Variants in TJP1 observed in about 807,000 individuals in gnomAD.
TJP1 encodes the protein tight junction protein ZO-1.
A neutral mutation model predicts 194.2 loss-of-function variants in TJP1; 43 were observed. The ratio of observed to expected loss-of-function variants is 0.22; its 90% CI spans 0.17 to 0.29. The LOEUF (loss-of-function observed/expected upper bound fraction) is 0.29. Among genes scored for constraint, TJP1 ranks in the 10% least tolerant of loss-of-function variants. TJP1 has a pLI of 1.00. For missense variants in TJP1, 1,971 were observed against 2,185.7 expected (o/e 0.90, Z 1.96); for synonymous variants, 801 against 779.0 (o/e 1.03, Z -0.47).
At chr15:29,943,479 T>C (rs549951619) in intron 2 of TJP1, among the ~76,000 whole-genome samples, 146 of 150,748 alleles carry the variant, frequency 9.7e-4, no homozygotes, top group Non-Finnish European at 1.3e-3. Flanking sequence ...AACACAAAAA[T>C]TAGCTGGGCA....
chr15:29,768,004 A>G (rs1442471589), intron 4 of TJP1, among the ~76,000 whole-genome samples: 2 of 152,112 alleles, frequency 1.3e-5, no homozygotes, highest in African/African-American at 4.8e-5. Flanking sequence ...AGCTCCCCCA[A>G]TTAATCTTCT....
chr15:29,867,242 A>G (rs951564074), intron 2 of TJP1, among the ~76,000 whole-genome samples: 1 of 152,248 alleles, frequency 6.6e-6, no homozygotes, highest in Non-Finnish European at 1.5e-5. Context: ...TGTGGCTAAT[A>G]TTAGAAGTCA....
At chr15:29,935,201 T>C (rs2054843917) in intron 2 of TJP1, among the ~76,000 whole-genome samples, 1 of 152,258 alleles carries the variant, frequency 6.6e-6, no homozygotes, top group African/African-American at 2.4e-5. Context: ...AACTCTTTGA[T>C]CAGTTCAAAC....
At chr15:29,897,164 T>C (rs2053501373) in intron 2 of TJP1, among the ~76,000 whole-genome samples, 2 of 152,186 alleles carry the variant, frequency 1.3e-5, no homozygotes, top group Admixed American at 6.5e-5. Flanking sequence ...CATGGTTTTG[T>C]GGGCCAGGCC....
At chr15:29,889,555 C>T (rs2053235532) in intron 2 of TJP1, among the ~76,000 whole-genome samples, 1 of 152,208 alleles carries the variant, frequency 6.6e-6, no homozygotes, top group South Asian at 2.1e-4. Context: ...AAACTGAATG[C>T]TACTTTTGAA....
intron 1 of TJP1, chr15:29,821,586 G>C (rs2050351689): frequency 6.6e-6 from 1 of 152,316 alleles, no homozygotes; most frequent in African/African-American, 2.4e-5. Flanking sequence ...TCCAAAGACA[G>C]CAGCTCCCGG....
At chr15:29,823,190 A>T (rs2050535735), upstream of TJP1, 1 of 152,204 alleles carries the variant, frequency 6.6e-6, no homozygotes, top group East Asian at 1.9e-4. Context: ...TTGGCCATCA[A>T]GATTGCTGAA....
At chr15:29,911,452 A>T (rs895462652) in intron 2 of TJP1, among the ~76,000 whole-genome samples, 1 of 152,234 alleles carries the variant, frequency 6.6e-6, no homozygotes, top group Non-Finnish European at 1.5e-5. Flanking sequence ...TAAAGAAAAC[A>T]GGTTTAATTG....
At chr15:29,936,519 C>G (rs187891006) in intron 2 of TJP1, among the ~76,000 whole-genome samples, 5 of 152,248 alleles carry the variant, frequency 3.3e-5, no homozygotes, top group African/African-American at 1.2e-4. Context: ...CAGGGCCACC[C>G]GCCGGCTCTC....
intron 2 of TJP1, among the ~76,000 whole-genome samples, chr15:29,775,912 A>G (rs1307798576): frequency 6.6e-6 from 1 of 152,170 alleles, no homozygotes; most frequent in Non-Finnish European, 1.5e-5. Flanking sequence ...ATTATCCCAC[A>G]AAAAGGCACC....
chr15:29,825,136 A>G, upstream of TJP1, among the ~76,000 whole-genome samples: 1 of 152,224 alleles, frequency 6.6e-6, no homozygotes, highest in Non-Finnish European at 1.5e-5. Context: ...TTATTCCTGC[A>G]GTTTATTTTT....
intron 24 of TJP1, 53 bp from the exon 25 acceptor site, chr15:29,709,089 C>A: frequency 3.3e-6 from 5 of 1,517,536 alleles, no homozygotes; most frequent in Admixed American, 1.9e-5. Flanking sequence ...GTTATAATAG[C>A]CCTGTCCCAG....
At chr15:29,773,547 G>A (rs1432540148) in intron 2 of TJP1, among the ~76,000 whole-genome samples, 190 bp from the exon 3 acceptor site, 2 of 152,084 alleles carry the variant, frequency 1.3e-5, no homozygotes, top group Non-Finnish European at 1.5e-5. Flanking sequence ...ATAACTACTG[G>A]ACATAACAGA....
At chr15:29,814,072 C>T (rs951371206) in intron 1 of TJP1, among the ~76,000 whole-genome samples, 1 of 152,120 alleles carries the variant, frequency 6.6e-6, no homozygotes, top group Non-Finnish European at 1.5e-5. Context: ...GATATTGATA[C>T]CAAACATATG....
intron 4 of TJP1, among the ~76,000 whole-genome samples, chr15:29,771,200 C>G (rs904383315): frequency 6.6e-6 from 1 of 152,200 alleles, no homozygotes; most frequent in Non-Finnish European, 1.5e-5. Context: ...TCAGGCAATT[C>G]TGTCTTTGTG....
At chr15:29,861,769 G>A (rs1032065811) in intron 2 of TJP1, among the ~76,000 whole-genome samples, 6 of 152,126 alleles carry the variant, frequency 3.9e-5, no homozygotes, top group African/African-American at 1.4e-4. Flanking sequence ...GTGATGGGGG[G>A]AGATTAGGGA....
At chr15:29,949,227 C>A (rs1304434598) in intron 2 of TJP1, among the ~76,000 whole-genome samples, 1 of 108,542 alleles carries the variant, frequency 9.2e-6, no homozygotes, top group Non-Finnish European at 1.8e-5. Context: ...TCCACTTTCA[C>A]CACCACTACC....
rs774000638 is a variant in TJP1 at position 29,761,163 on chromosome 15, G to A, written c.986C>T (p.Ser329Leu). Reference sequence around the variant, plus strand: ...CCTGCCATTGCTTGGCTGCTGCGGCGAGTGCCTGGAATGATCAGAAGGCTC... The same window carrying A: ...CCTGCCATTGCTTGGCTGCTGCGGCAAGTGCCTGGAATGATCAGAAGGCTC... ...RSEPSDHSRHSPQQPSNGSLR... is the reference protein window; with the variant it reads ...RSEPSDHSRHLPQQPSNGSLR... The change falls in exon 8 of 28, where the codon TCG becomes TTG. Residue 329 changes from serine to leucine, a missense_variant. By Grantham distance (145) the Ser-to-Leu change is moderately radical. Coordinates refer to ENST00000614355, the MANE Select transcript of TJP1 (RefSeq NM_001330239.4). The A allele has an allele frequency of 8.0e-5, 129 of 1,604,336 alleles. No homozygotes were observed. The highest frequency in any genetic ancestry group is 9.4e-5 in the African/African-American group (7 of 74,528).
rs879143997 is a variant in TJP1, at chr15:29,727,072, C to T, written c.2101-81G>A. The T allele has an allele frequency of 1.3e-5, 16 of 1,269,468 alleles. No homozygotes were observed. The South Asian group carries it at 1.7e-4, about 13-fold the overall frequency. The allele number at this position is 1,269,468 out of a possible 1,614,324, so 78.6% of individuals were successfully genotyped here. A position where few individuals can be genotyped will look rare whatever the true frequency, so the allele number is the denominator to read the frequency against. On this transcript the variant is annotated intron_variant, in intron 16 of 27. Transcript: ENST00000614355. Reference sequence around the variant, plus strand: ...CACCAAATTCAGCTGGGTGCAGTGGCTCACGCTACGCCTATAATCCTAGCA... The same window carrying T: ...CACCAAATTCAGCTGGGTGCAGTGGTTCACGCTACGCCTATAATCCTAGCA...
Sources: gnomAD v4.1 joint callset for allele counts (sites outside exome capture counted in the v4.1 genomes callset) on GRCh38, gnomAD v4.1.1 for gene constraint, MANE v1.5 for transcripts, NCBI Gene and HGNC (gene_info 2026-07-23, HGNC 2026-07-21) for gene names.